The following GAREM1 variants were observed in gnomAD, a reference collection of about 807,000 sequenced individuals.
The protein encoded by GAREM1 is GRB2 associated regulator of MAPK1 subtype 1.
GAREM1 carries 26 observed loss-of-function variants against 71.3 expected under a neutral mutation model. The observed-to-expected ratio is 0.36, with a 90% CI of 0.27 to 0.51. The LOEUF is 0.51. GAREM1 is among the 20% of genes least tolerant of loss of function. GAREM1 has a pLI of 0.95. For synonymous variants in GAREM1, 440 were observed against 433.2 expected (o/e 1.02, Z -0.20); for missense variants, 1,026 against 1,103.1 (o/e 0.93, Z 0.99).
At chr18:32,367,894 A>T (rs1405356442) in intron 2 of GAREM1, among the ~76,000 whole-genome samples, 4 of 152,192 alleles carry the variant, frequency 2.6e-5, no homozygotes, top group African/African-American at 9.6e-5. Flanking sequence ...GGCAGGGAGA[A>T]GGGCGTTCCT....
intron 2 of GAREM1, among the ~76,000 whole-genome samples, chr18:32,374,462 A>C (rs1417053869): frequency 6.6e-6 from 1 of 152,230 alleles, no homozygotes; most frequent in Non-Finnish European, 1.5e-5. Flanking sequence ...CTTAAGCTGC[A>C]CTGATAGTAA....
chr18:32,291,217 A>T (rs1037123401), intron 3 of GAREM1, among the ~76,000 whole-genome samples: 3 of 151,804 alleles, frequency 2.0e-5, no homozygotes, highest in Admixed American at 6.6e-5. Flanking sequence ...TTGTTAAATA[A>T]AAAAAAATAA....
chr18:32,386,688 C>T (rs1049150211), intron 2 of GAREM1, among the ~76,000 whole-genome samples: 24 of 152,238 alleles, frequency 1.6e-4, no homozygotes, highest in African/African-American at 5.5e-4. Context: ...CATAAACCCA[C>T]TCAGAATTCC....
chr18:32,332,528 T>TC lies in GAREM1; in HGVS notation c.263-22206dup, dbSNP rs981939092. On this transcript the variant is annotated intron_variant, in intron 2 of 5. Transcript: ENST00000269209. ...CATTTGGCACTGGTGTGGCCTTCCT[T>TC]CTACCTGAGGAACTGTAAGTGCAGC... 7.9e-5 allele frequency among the ~76,000 whole-genome samples: 12 copies of TC among 152,188 alleles called. No individual in the cohort carries two copies. The East Asian group carries it at 2.1e-3, about 27-fold the overall frequency.
rs138799660 is a variant in GAREM1, at chr18:32,463,568, CTTT to C, written c.121+6737_121+6739del. Among the ~76,000 whole-genome samples, 371 of 131,692 alleles carry C rather than the reference CTTT, an allele frequency of 2.8e-3. 9 individuals carry two copies. In the South Asian group the frequency reaches 0.036, roughly 13 times the overall value. 86.4% of individuals were successfully genotyped at this position (131,692 alleles called of 152,430 possible). A position where few individuals can be genotyped will look rare whatever the true frequency, so the allele number is the denominator to read the frequency against. ...AAATTAAAGAGAGTTTTTTAAATCA[CTTT>C]TTTTTTTTTTTTTTTTGAGACGGAG... is the stretch of plus-strand genomic sequence containing the variant. On this transcript the variant is annotated intron_variant, in intron 1 of 5. Coordinates refer to ENST00000269209, the MANE Select transcript of GAREM1 (RefSeq NM_001242409.2).
At chr18:32,418,414 C>T (rs2048485390) in intron 1 of GAREM1, among the ~76,000 whole-genome samples, 1 of 152,112 alleles carries the variant, frequency 6.6e-6, no homozygotes, top group Non-Finnish European at 1.5e-5. Context: ...CTCAATTCCA[C>T]CTTGTTATGG....
chr18:32,460,342 A>G (rs2048944317), intron 1 of GAREM1, among the ~76,000 whole-genome samples: 1 of 152,222 alleles, frequency 6.6e-6, no homozygotes, highest in African/African-American at 2.4e-5. Context: ...TAAAGAATTC[A>G]TACTGCATTT....
At chr18:32,353,288 T>C (rs1358010860) in intron 2 of GAREM1, among the ~76,000 whole-genome samples, 2 of 152,302 alleles carry the variant, frequency 1.3e-5, no homozygotes, top group East Asian at 1.9e-4. Context: ...TTTCTGAGCA[T>C]AGGGGACACA....
At chr18:32,430,969 G>C (rs1216022549) in intron 1 of GAREM1, among the ~76,000 whole-genome samples, 1 of 152,164 alleles carries the variant, frequency 6.6e-6, no homozygotes, top group Admixed American at 6.5e-5. Context: ...ATATCACAGA[G>C]AGAAAGGAGT....
At chr18:32,431,296 T>C (rs1175483063) in intron 1 of GAREM1, among the ~76,000 whole-genome samples, 1 of 152,104 alleles carries the variant, frequency 6.6e-6, no homozygotes, top group African/African-American at 2.4e-5. Flanking sequence ...ATTCATGCTA[T>C]AACGGTCCAG....
chr18:32,401,805 C>T (rs1214376552), intron 1 of GAREM1, among the ~76,000 whole-genome samples: 2 of 152,124 alleles, frequency 1.3e-5, no homozygotes, highest in Non-Finnish European at 2.9e-5. Flanking sequence ...AATTTTATCC[C>T]ACAGTGGGCT....
intron 4 of GAREM1, among the ~76,000 whole-genome samples, chr18:32,285,087 T>C (rs1377076433): frequency 6.6e-6 from 1 of 152,140 alleles, no homozygotes; most frequent in East Asian, 1.9e-4. Context: ...ATGAACATTC[T>C]TAGGGAATTG....
Position 32,266,229 on chromosome 18 carries a change from A to T in GAREM1, c.*1642T>A, listed in dbSNP as rs2041372423. On this transcript the variant is annotated 3_prime_UTR_variant, in exon 6 of 6. Coordinates refer to ENST00000269209, the MANE Select transcript of GAREM1 (RefSeq NM_001242409.2). ...TTAAAAATATCTTTCTTCTAATGCCAAGAAATAAAGACACATTTCACAGGT... is the reference window on the plus strand; with the variant it reads ...TTAAAAATATCTTTCTTCTAATGCCTAGAAATAAAGACACATTTCACAGGT... The T allele has an allele frequency of 6.6e-6, 1 of 152,230 alleles. No individual in the cohort carries two copies. The highest frequency in any genetic ancestry group is 2.4e-5 in the African/African-American group (1 of 41,454). 9.4% of individuals were successfully genotyped at this position (152,230 alleles called of 1,614,324 possible). A position where few individuals can be genotyped will look rare whatever the true frequency, so the allele number is the denominator to read the frequency against.
chr18:32,440,443 ACT>A (rs1179399912), intron 1 of GAREM1, among the ~76,000 whole-genome samples: 2 of 152,132 alleles, frequency 1.3e-5, no homozygotes. Context: ...TACTGTCTGT[ACT>A]CTGTTACCAT....
intron 2 of GAREM1, among the ~76,000 whole-genome samples, chr18:32,332,062 C>CTCTG (rs1598966986): frequency 6.6e-6 from 1 of 151,162 alleles, no homozygotes; most frequent in East Asian, 1.9e-4. Context: ...ACAGAGGCAA[C>CTCTG]TCACTTGGGG....
chr18:32,280,541 A>AC lies in GAREM1; in HGVS notation c.1566+6489dup, dbSNP rs529784191. 8.8e-3 allele frequency among the ~76,000 whole-genome samples: 1,337 copies of AC among 151,764 alleles called. 4 individuals carry two copies. Among genetic ancestry groups the AC allele is most frequent in the Non-Finnish European group, 0.015 (1,004 of 67,922 alleles). ...TTCACAGGCACTCTAGTTCTTCAAA[A>AC]CCCCCGACTCTGCCACTAAAAGATT... On this transcript the variant is annotated intron_variant, in intron 4 of 5. Coordinates refer to ENST00000269209, the MANE Select transcript of GAREM1 (RefSeq NM_001242409.2).
chr18:32,310,393 T>A, intron 2 of GAREM1, 70 bp from the exon 3 acceptor site: 1 of 1,515,468 alleles, frequency 6.6e-7, no homozygotes, highest in Non-Finnish European at 9.0e-7. Flanking sequence ...GGCAACAACA[T>A]CCTCTCTCTT....
In GAREM1 at chr18:32,287,792, G is replaced by A; in HGVS notation, c.805C>T (p.His269Tyr). The A allele has an allele frequency of 6.2e-7, 1 of 1,613,702 alleles. No homozygotes were observed. Among genetic ancestry groups the A allele is most frequent in the South Asian group, 1.1e-5 (1 of 91,032 alleles). The change falls in exon 4 of 6, where the codon CAC becomes TAC. Residue 269 changes from histidine to tyrosine, a missense_variant. Transcript: ENST00000269209. This position sits in a 1 kb window ranked among gnomAD's most constrained non-coding sequence, Gnocchi z 5.9. ...TGGATGTTCACAAACTTATAGCGGT[G>A]CCCCTCACGGATGAAGTGGAGGTCG... ...PYDLHFIREG[H>Y]RYKFVNIQTK...
At chr18:32,296,549 G>A (rs1028351932) in intron 3 of GAREM1, among the ~76,000 whole-genome samples, 23 of 152,096 alleles carry the variant, frequency 1.5e-4, no homozygotes, top group African/African-American at 5.3e-4. Context: ...TGTTTCTAAG[G>A]CTTTGACAGT....
Sources: gnomAD v4.1 joint callset for allele counts (sites outside exome capture counted in the v4.1 genomes callset) on GRCh38, gnomAD v4.1.1 for gene constraint, Gnocchi (gnomAD v3.1) non-coding constraint, MANE v1.5 for transcripts, NCBI Gene and HGNC (gene_info 2026-07-23, HGNC 2026-07-21) for gene names.